Variants in DPY19L3 observed in about 807,000 individuals in gnomAD.
DPY19L3 encodes dpy-19 like C-mannosyltransferase 3.
DPY19L3 carries 51 observed loss-of-function variants against 92.3 expected under a neutral mutation model. The observed-to-expected ratio is 0.55, with a 90% CI of 0.44 to 0.70. The LOEUF is 0.70. DPY19L3 is among the 30% of genes least tolerant of loss of function. The probability of loss-of-function intolerance (pLI) is 0.00; values close to 1 mark genes in which losing one functional copy is unlikely to be tolerated. For missense variants in DPY19L3, 706 were observed against 855.9 expected (o/e 0.82, Z 2.18); for synonymous variants, 309 against 315.2 (o/e 0.98, Z 0.21).
At chr19:32,447,291 A>G (rs970508319) in intron 8 of DPY19L3, among the ~76,000 whole-genome samples, 1 of 152,244 alleles carries the variant, frequency 6.6e-6, no homozygotes, top group Non-Finnish European at 1.5e-5. Flanking sequence ...ATTAGAAAAG[A>G]CAGAAAGTCT....
At chr19:32,427,183 C>G (rs776673347) in intron 3 of DPY19L3, among the ~76,000 whole-genome samples, 1 of 152,120 alleles carries the variant, frequency 6.6e-6, no homozygotes, top group Non-Finnish European at 1.5e-5. Flanking sequence ...TTAGTACAGC[C>G]TGGGTCTTGC....
At chr19:32,474,353 C>T (rs1335550980) in intron 16 of DPY19L3, among the ~76,000 whole-genome samples, 4 of 152,232 alleles carry the variant, frequency 2.6e-5, no homozygotes, top group African/African-American at 7.2e-5. Context: ...ATGTGTCACT[C>T]GCTCTGCTGG....
rs1323692200 is a variant in DPY19L3, at chr19:32,463,945, C to G, written c.1522C>G (p.Leu508Val). The change falls in exon 14 of 19, where the codon CTT (leucine) becomes GTT (valine). Residue 508 changes from leucine (L) to valine (V), a missense_variant. By Grantham distance (32) the Leu-to-Val change is conservative (BLOSUM62 1). Coordinates refer to ENST00000392250, the MANE Select transcript of DPY19L3 (RefSeq NM_001172774.2). ...ATGTAGCCCTGAAATATGGGAGTTA[C>G]TTCTGAAGTCAGTCCATCTTTATAA... Reference protein sequence around the residue: ...GLCSPEIWELLLKSVHLYNPK... With the variant: ...GLCSPEIWELVLKSVHLYNPK... 4 of 1,613,084 alleles carry G rather than the reference C, an allele frequency of 2.5e-6. No homozygotes were observed. The highest frequency in any genetic ancestry group is 3.4e-6 in the Non-Finnish European group (4 of 1,179,380).
At chr19:32,421,215 A>G (rs1049372855) in intron 3 of DPY19L3, among the ~76,000 whole-genome samples, 8 of 152,190 alleles carry the variant, frequency 5.3e-5, no homozygotes, top group East Asian at 1.9e-4. Flanking sequence ...TAAAGTGGCA[A>G]TGTAGTGGTA....
intron 16 of DPY19L3, 51 bp from the exon 17 acceptor site, chr19:32,477,471 C>G (rs765792341): frequency 1.2e-6 from 2 of 1,607,982 alleles, no homozygotes; most frequent in African/African-American, 2.7e-5. Context: ...TCTTTGTTGT[C>G]TTTAAGGATC....
intron 3 of DPY19L3, among the ~76,000 whole-genome samples, chr19:32,424,530 T>C (rs1599603203): frequency 6.6e-6 from 1 of 150,892 alleles, no homozygotes; most frequent in South Asian, 2.1e-4. Context: ...CTTGAGAGGG[T>C]GCAATGGGAT....
chr19:32,418,616 A>G (rs985599495), intron 3 of DPY19L3, among the ~76,000 whole-genome samples: 1 of 152,212 alleles, frequency 6.6e-6, no homozygotes, highest in African/African-American at 2.4e-5. Flanking sequence ...TTTGGAGTGT[A>G]TATTCCTTTA....
In DPY19L3 at chr19:32,465,630, C is replaced by T. The variant is rs571433514; in HGVS notation, c.1614+846C>T. 6.2e-4 allele frequency among the ~76,000 whole-genome samples: 95 copies of T among 152,122 alleles called. 2 individuals are homozygous for T. The highest frequency in any genetic ancestry group is 5.2e-4 in the Admixed American group (8 of 15,272). The stretch of plus-strand genomic sequence containing the variant: ...TGGGACCTCCCGCAGAGAGGATCAG[C>T]TAGAGCAGCTCAGCTTTGGGGTTTA... On this transcript the variant is annotated intron_variant, in intron 15 of 18. Transcript: ENST00000392250.
At chr19:32,468,648 T>C (rs1031340401) in intron 15 of DPY19L3, 83 bp from the exon 16 acceptor site, 7 of 1,563,522 alleles carry the variant, frequency 4.5e-6, no homozygotes, top group Non-Finnish European at 5.2e-6. Flanking sequence ...ATATGCAGTT[T>C]ATCTTTTTTT....
chr19:32,467,793 C>G, intron 15 of DPY19L3: 1 of 980,646 alleles, frequency 1.0e-6, no homozygotes, highest in Non-Finnish European at 1.2e-6. Flanking sequence ...AGTCAACTGT[C>G]ATTTGATAAA....
At chr19:32,470,394 A>T (rs776845241) in intron 16 of DPY19L3, among the ~76,000 whole-genome samples, 1 of 152,190 alleles carries the variant, frequency 6.6e-6, no homozygotes, top group Non-Finnish European at 1.5e-5. Flanking sequence ...GTTGAAATCA[A>T]TGCTGAGGAC....
chr19:32,454,718 A>G (rs1969811988), intron 9 of DPY19L3, among the ~76,000 whole-genome samples: 3 of 152,246 alleles, frequency 2.0e-5, no homozygotes, highest in African/African-American at 4.8e-5. Flanking sequence ...ACATTTCCTC[A>G]TCGTATGAAG....
intron 17 of DPY19L3, among the ~76,000 whole-genome samples, chr19:32,479,163 CT>C (rs1280394794): frequency 1.3e-5 from 2 of 152,162 alleles, no homozygotes; most frequent in African/African-American, 4.8e-5. Flanking sequence ...ATGATTTTTA[CT>C]AATCTCCTGT....
In DPY19L3 at chr19:32,453,265, A is replaced by G; in HGVS notation, c.976A>G (p.Arg326Gly). 6.2e-7 allele frequency: 1 copy of G among 1,606,610 alleles called. No homozygotes were observed. The highest frequency in any genetic ancestry group is 8.5e-7 in the Non-Finnish European group (1 of 1,178,350). ...TTTTAACCTTTCAGTATTCATTGCA[A>G]GAAAACTTCAGGTAGGACTTTTTTT... ...ISFNLSVFIA[R>G]KLQKNLKTGS... The change falls in exon 9 of 19, where the codon AGA (arginine) becomes GGA (glycine). Residue 326 changes from arginine (R) to glycine (G), a missense_variant. Physicochemically the swap from Arg to Gly is moderately radical, Grantham distance 125. Transcript: ENST00000392250.
chr19:32,467,834 A>G, intron 15 of DPY19L3: 1 of 981,664 alleles, frequency 1.0e-6, no homozygotes, highest in Non-Finnish European at 1.2e-6. Context: ...TTGTTGAATT[A>G]AATGGACTTA....
At position 32,408,239 on chromosome 19, in the gene DPY19L3, T is replaced by A; in HGVS notation, c.-15T>A. 6.3e-7 allele frequency: 1 copy of A among 1,594,882 alleles called. No individual in the cohort carries two copies. The highest frequency in any genetic ancestry group is 8.6e-7 in the Non-Finnish European group (1 of 1,165,184). Reference sequence around the variant, plus strand: ...TAGGAGTGATTTGGAGAACAATGCATGTAAGTCTGACATCATGATGTCCAT... The same window carrying A: ...TAGGAGTGATTTGGAGAACAATGCAAGTAAGTCTGACATCATGATGTCCAT... On this transcript the variant is annotated 5_prime_UTR_variant, in exon 2 of 19. The change abolishes an upstream ATG in the 5' untranslated region. Coordinates refer to ENST00000392250, the MANE Select transcript of DPY19L3 (RefSeq NM_001172774.2).
chr19:32,462,237 A>G (rs977107789), intron 12 of DPY19L3, among the ~76,000 whole-genome samples: 3 of 152,132 alleles, frequency 2.0e-5, no homozygotes, highest in African/African-American at 2.4e-5. Context: ...AGCTGAATGT[A>G]TCTGCTTGTC....
intron 1 of DPY19L3, among the ~76,000 whole-genome samples, chr19:32,407,399 A>C (rs1968008475): frequency 6.6e-6 from 1 of 152,118 alleles, no homozygotes; most frequent in African/African-American, 2.4e-5. Flanking sequence ...ACTGGTGTTA[A>C]AATTCAGGTA....
chr19:32,434,599 C>T lies in DPY19L3; in HGVS notation c.328+1793C>T, dbSNP rs1969078168. Among the ~76,000 whole-genome samples the T allele has an allele frequency of 2.0e-5, 3 of 152,176 alleles. No individual in the cohort carries two copies. The South Asian group carries it at 6.2e-4, about 32-fold the overall frequency. ...GCTTAAACCTGGGAGGTGGAGGTTG[C>T]GGTGAGCCGAGATCACGCTACTGCA... On this transcript the variant is annotated intron_variant, in intron 4 of 18. Transcript: ENST00000392250.
Sources: gnomAD v4.1 joint callset for allele counts (sites outside exome capture counted in the v4.1 genomes callset) on GRCh38, gnomAD v4.1.1 for gene constraint, MANE v1.5 for transcripts, NCBI Gene and HGNC (gene_info 2026-07-23, HGNC 2026-07-21) for gene names.